UBE2D2: variants seen among roughly 807,000 people sequenced by gnomAD.
UBE2D2 encodes ubiquitin conjugating enzyme E2 D2.
A neutral mutation model predicts 24.2 loss-of-function variants in UBE2D2; 2 were observed. The ratio of observed to expected loss-of-function variants is 0.08; its 90% confidence interval spans 0.03 to 0.26. The LOEUF is 0.26. Ranked by LOEUF, UBE2D2 falls within the 10% of genes least tolerant of loss-of-function variation. UBE2D2 has a pLI of 1.00. For synonymous variants in UBE2D2, 58 were observed against 56.5 expected (o/e 1.03, Z -0.12); for missense variants, 44 against 177.6 (o/e 0.25, Z 4.28).
At chr5:139,583,982 A>T (rs1198122363) in intron 1 of UBE2D2, among the ~76,000 whole-genome samples, 1 of 152,104 alleles carries the variant, frequency 6.6e-6, no homozygotes, top group Non-Finnish European at 1.5e-5. Context: ...AAAGTAAATT[A>T]AAAAAATAAT....
At chr5:139,601,358 CTT>C (rs1754068704) in intron 2 of UBE2D2, among the ~76,000 whole-genome samples, 1 of 152,146 alleles carries the variant, frequency 6.6e-6, no homozygotes, top group Non-Finnish European at 1.5e-5. Flanking sequence ...AATCCCAGCA[CTT>C]TAGGAGACCG....
At chr5:139,556,903 C>A (rs1307022889), upstream of UBE2D2, among the ~76,000 whole-genome samples, 5 of 149,520 alleles carry the variant, frequency 3.3e-5, 1 homozygote, top group African/African-American at 1.2e-4. Flanking sequence ...GGCGCAATCT[C>A]GTCTCACTGC....
chr5:139,621,831 T>C (rs1488043872), intron 5 of UBE2D2, among the ~76,000 whole-genome samples: 3 of 152,172 alleles, frequency 2.0e-5, no homozygotes, highest in Non-Finnish European at 4.4e-5. Flanking sequence ...CTCTGTTGCC[T>C]AGGCTGGTCT....
chr5:139,555,013 C>T (rs1363691954), intron 1 of UBE2D2: 3 of 151,422 alleles, frequency 2.0e-5, no homozygotes, highest in Non-Finnish European at 4.4e-5. Context: ...CTCATTGTGA[C>T]TTTAACTTGC....
chr5:139,598,322 G>C (rs1196019651), intron 1 of UBE2D2, among the ~76,000 whole-genome samples: 1 of 152,046 alleles, frequency 6.6e-6, no homozygotes, highest in African/African-American at 2.4e-5. Flanking sequence ...TTTTACTCTT[G>C]TAGTTTTAAA....
Position 139,600,448 on chromosome 5 carries a change from A to C in UBE2D2, c.88+13A>C. 1 of 1,613,610 alleles carries C rather than the reference A, an allele frequency of 6.2e-7. No homozygotes were observed. The highest frequency in any genetic ancestry group is 1.6e-4 in the Middle Eastern group (1 of 6,062). Reference sequence around the variant, plus strand: ...GTTGGAGATGATAGTAAGTATTTAAAAGGAATAATGGAGTAATAGCATAAC... The same window carrying C: ...GTTGGAGATGATAGTAAGTATTTAACAGGAATAATGGAGTAATAGCATAAC... On this transcript the variant is annotated intron_variant, in intron 2 of 6. Coordinates refer to ENST00000398733, the MANE Select transcript of UBE2D2 (RefSeq NM_003339.3).
At chr5:139,609,622 C>T (rs1360569294) in intron 2 of UBE2D2, among the ~76,000 whole-genome samples, 2 of 151,024 alleles carry the variant, frequency 1.3e-5, no homozygotes, top group Non-Finnish European at 1.5e-5. Context: ...CCGCTCGCCT[C>T]GGCCTCCCAA....
intron 1 of UBE2D2, among the ~76,000 whole-genome samples, chr5:139,539,480 T>G (rs750093599): frequency 1.5e-4 from 23 of 152,152 alleles, no homozygotes; most frequent in Non-Finnish European, 2.1e-4. Context: ...ATGAGGGAGA[T>G]CTTTGTGGTG....
chr5:139,552,807 C>G (rs150527901), intron 1 of UBE2D2, among the ~76,000 whole-genome samples: 162 of 151,744 alleles, frequency 1.1e-3, no homozygotes, highest in South Asian at 3.1e-3. Context: ...CTCAGCCTCC[C>G]AAGTAGCTGG....
chr5:139,620,098 G>A (rs950163467), intron 5 of UBE2D2, among the ~76,000 whole-genome samples: 1 of 152,118 alleles, frequency 6.6e-6, no homozygotes, highest in African/African-American at 2.4e-5. Context: ...AAGGGGTCGT[G>A]CTAAACCATT....
intron 1 of UBE2D2, among the ~76,000 whole-genome samples, chr5:139,549,904 C>G (rs1752886541): frequency 1.3e-5 from 2 of 152,190 alleles, no homozygotes; most frequent in Non-Finnish European, 2.9e-5. Context: ...ATGGATGCAG[C>G]AATCAGCACT....
At chr5:139,586,198 T>A (rs1753722365) in intron 1 of UBE2D2, among the ~76,000 whole-genome samples, 1 of 152,044 alleles carries the variant, frequency 6.6e-6, no homozygotes, top group South Asian at 2.1e-4. Context: ...GAATTTTTTT[T>A]TTTTTTTAAA....
chr5:139,591,537 T>C (rs758315075), intron 1 of UBE2D2, among the ~76,000 whole-genome samples: 3 of 152,152 alleles, frequency 2.0e-5, no homozygotes, highest in Admixed American at 6.6e-5. Flanking sequence ...GAGATTGATA[T>C]TGATACATGT....
At chr5:139,559,328 G>A (rs1753021888), upstream of UBE2D2, among the ~76,000 whole-genome samples, 1 of 151,852 alleles carries the variant, frequency 6.6e-6, no homozygotes, top group Admixed American at 6.6e-5. Flanking sequence ...TCGGGAGGCT[G>A]AGGCGGGAGA....
At chr5:139,584,538 T>C (rs577300460) in intron 1 of UBE2D2, among the ~76,000 whole-genome samples, 9 of 150,814 alleles carry the variant, frequency 6.0e-5, no homozygotes, top group Admixed American at 2.6e-4. Flanking sequence ...CTTTTCTTTT[T>C]TTTTTTTTTT....
At chr5:139,595,888 TG>T (rs1319354230) in intron 1 of UBE2D2, among the ~76,000 whole-genome samples, 16 of 140,426 alleles carry the variant, frequency 1.1e-4, no homozygotes, top group African/African-American at 4.0e-4. Context: ...TTTTGTTTTT[TG>T]TTGTTTTTTT....
chr5:139,550,663 G>A (rs1752902749), intron 1 of UBE2D2, among the ~76,000 whole-genome samples: 1 of 151,932 alleles, frequency 6.6e-6, no homozygotes, highest in Non-Finnish European at 1.5e-5. Context: ...CACTCTTCGT[G>A]AAGCTCTGCA....
rs578210738 is a variant in UBE2D2 at position 139,535,106 on chromosome 5, C to T, written c.-64+8494C>T. 6.0e-5 allele frequency among the ~76,000 whole-genome samples: 9 copies of T among 151,232 alleles called. No individual in the cohort carries two copies. In the South Asian group the frequency reaches 6.3e-4, roughly 11 times the overall value. ...AGTGAACCAAGATCTCATGCCACGG[C>T]GCTCCAGCCTGGGTGACAAAGTGAG... On this transcript the variant is annotated intron_variant, in intron 1 of 6. Coordinates refer to the UBE2D2 transcript ENST00000511725.
intron 1 of UBE2D2, among the ~76,000 whole-genome samples, chr5:139,563,940 AAAAG>A (rs530813854): frequency 1.1e-3 from 161 of 152,294 alleles, no homozygotes; most frequent in Middle Eastern, 0.01. Context: ...TTTCAAAAAA[AAAAG>A]AAATGTAGAC....
Sources: allele counts gnomAD v4.1 joint callset (sites outside exome capture counted in the v4.1 genomes callset), GRCh38; gene constraint gnomAD v4.1.1; transcripts MANE v1.5; gene names NCBI Gene and HGNC (gene_info 2026-07-23, HGNC 2026-07-21).